Variants in BMERB1 observed in about 807,000 individuals in gnomAD.
BMERB1 encodes the protein bMERB domain containing 1, also known as bMERB domain-containing protein 1.
BMERB1 carries 12 observed loss-of-function variants against 23.6 expected under a neutral mutation model. That is an observed-to-expected ratio of 0.51 (90% confidence interval 0.33 to 0.82). BMERB1 has a LOEUF of 0.82. Ranked by LOEUF, BMERB1 falls within the 40% of genes least tolerant of loss-of-function variation. The pLI is 0.03. For synonymous variants in BMERB1, 122 were observed against 96.6 expected (o/e 1.26, Z -1.54); for missense variants, 247 against 255.4 (o/e 0.97, Z 0.22).
intron 2 of BMERB1, among the ~76,000 whole-genome samples, chr16:15,546,617 A>G (rs113293308): frequency 0.017 from 2,597 of 152,276 alleles, 78 homozygotes; most frequent in African/African-American, 0.06. Flanking sequence ...TACCTTCTAA[A>G]CTATATGTCC....
chr16:15,573,376 A>C (rs994305140), intron 3 of BMERB1, among the ~76,000 whole-genome samples: 1 of 152,176 alleles, frequency 6.6e-6, no homozygotes, highest in Non-Finnish European at 1.5e-5. Context: ...TTATTCCTCA[A>C]ATCAGTGCCC....
chr16:15,562,045 C>T (rs1187641781), intron 2 of BMERB1, among the ~76,000 whole-genome samples: 1 of 151,926 alleles, frequency 6.6e-6, no homozygotes, highest in Admixed American at 6.6e-5. Context: ...CGGTGGCTCA[C>T]GCCTATCATC....
rs567548989 is a variant in BMERB1, at chr16:15,434,592, C to T, written c.-62C>T. The stretch of plus-strand genomic sequence containing the variant: ...CTGCTGGCTGGAGCCACCTCCCTCC[C>T]TGCAGCCCGCAACGGGAATGGAGTA... On this transcript the variant is annotated 5_prime_UTR_variant, in exon 1 of 6. Coordinates refer to ENST00000300006, the MANE Select transcript of BMERB1 (RefSeq NM_033201.3). 11 of 1,513,430 alleles carry T rather than the reference C, an allele frequency of 7.3e-6. No individual in the cohort carries two copies. In the East Asian group the frequency reaches 2.0e-4, roughly 28 times the overall value. The allele number at this position is 1,513,430 out of a possible 1,614,324, so 93.8% of individuals were successfully genotyped here. A position where few individuals can be genotyped will look rare whatever the true frequency, so the allele number is the denominator to read the frequency against.
chr16:15,445,424 G>A (rs2050980801), intron 1 of BMERB1, among the ~76,000 whole-genome samples: 1 of 152,130 alleles, frequency 6.6e-6, no homozygotes, highest in African/African-American at 2.4e-5. Context: ...AGTAAGTAGG[G>A]GGCTGGCAGC....
intron 3 of BMERB1, among the ~76,000 whole-genome samples, chr16:15,570,302 C>T (rs952630933): frequency 6.6e-6 from 1 of 152,176 alleles, no homozygotes; most frequent in Non-Finnish European, 1.5e-5. Context: ...AGACTGGGCC[C>T]AGCACACAGT....
intron 2 of BMERB1, among the ~76,000 whole-genome samples, chr16:15,542,624 C>A (rs939911826): frequency 7.3e-5 from 11 of 149,780 alleles, no homozygotes; most frequent in African/African-American, 2.5e-4. Context: ...TGAATTACCT[C>A]CTAGGGATTT....
At chr16:15,485,761 C>G (rs1012955732) in intron 1 of BMERB1, among the ~76,000 whole-genome samples, 1 of 151,860 alleles carries the variant, frequency 6.6e-6, no homozygotes, top group Admixed American at 6.6e-5. Context: ...TAAAGTAGAG[C>G]CCAAAACCAA....
intron 2 of BMERB1, among the ~76,000 whole-genome samples, chr16:15,534,192 A>T (rs188573824): frequency 6.7e-6 from 1 of 149,442 alleles, no homozygotes; most frequent in African/African-American, 2.5e-5. Context: ...ACCAGTGACA[A>T]TCGTCTCCTG....
intron 2 of BMERB1, among the ~76,000 whole-genome samples, chr16:15,564,883 C>G (rs1425083159): frequency 6.6e-6 from 1 of 152,118 alleles, no homozygotes; most frequent in Non-Finnish European, 1.5e-5. Context: ...TTTCTTTACC[C>G]CAGCTCATTC....
At chr16:15,562,317 A>C (rs942362542) in intron 2 of BMERB1, among the ~76,000 whole-genome samples, 2 of 151,622 alleles carry the variant, frequency 1.3e-5, no homozygotes, top group Non-Finnish European at 2.9e-5. Context: ...AAAAAAAAAA[A>C]AAACATAAAT....
intron 1 of BMERB1, among the ~76,000 whole-genome samples, chr16:15,455,545 C>G (rs959060023): frequency 1.3e-5 from 2 of 151,936 alleles, no homozygotes; most frequent in Non-Finnish European, 2.9e-5. Context: ...ACTGCAAGCT[C>G]CGCCTCACGG....
intron 1 of BMERB1, among the ~76,000 whole-genome samples, chr16:15,444,119 C>CTTTGTTTTTTTTTTTTTTGTTTTTT (rs1468114343): frequency 4.1e-5 from 1 of 24,458 alleles, no homozygotes; most frequent in African/African-American, 1.9e-4. Context: ...CAGGCACCAG[C>CTTTGTTTTTTTTTTTTTTGTTTTTT]TTTGTTTTTT....
intron 2 of BMERB1, among the ~76,000 whole-genome samples, chr16:15,520,477 CTTT>C (rs147757819): frequency 0.032 from 3,450 of 109,328 alleles, 73 homozygotes; most frequent in Admixed American, 0.11. Context: ...CATAGATGTT[CTTT>C]TTTTTTTTTT....
chr16:15,547,894 C>T (rs114140987), intron 2 of BMERB1, among the ~76,000 whole-genome samples: 1 of 152,188 alleles, frequency 6.6e-6, no homozygotes, highest in Non-Finnish European at 1.5e-5. Flanking sequence ...GAGACAACCA[C>T]GTAGTGCCCA....
intron 5 of BMERB1, 97 bp downstream of exon 5, chr16:15,583,335 T>C: frequency 9.9e-7 from 1 of 1,005,972 alleles, no homozygotes; most frequent in Non-Finnish European, 1.6e-6. Context: ...CCCAGCACTA[T>C]GAGAGGCCAA....
rs77520584 is a variant in BMERB1 at position 15,452,711 on chromosome 16, C to G, written c.106+17952C>G. 7.9e-5 allele frequency among the ~76,000 whole-genome samples: 12 copies of G among 152,312 alleles called. No individual in the cohort carries two copies. The East Asian group carries it at 2.3e-3, about 29-fold the overall frequency. Reference sequence around the variant, plus strand: ...GCTGCTCGCGGGCAAGGGAACCTCTCCAGTCTCAGGACAATGGTGGTTGGG... The same window carrying G: ...GCTGCTCGCGGGCAAGGGAACCTCTGCAGTCTCAGGACAATGGTGGTTGGG... On this transcript the variant is annotated intron_variant, in intron 1 of 5. Transcript: ENST00000300006.
intron 1 of BMERB1, among the ~76,000 whole-genome samples, chr16:15,506,824 A>G (rs1385806280): frequency 6.6e-6 from 1 of 152,152 alleles, no homozygotes; most frequent in African/African-American, 2.4e-5. Context: ...CAGCTGCAGC[A>G]CCCAATTAAA....
intron 1 of BMERB1, among the ~76,000 whole-genome samples, chr16:15,458,968 G>A (rs528560556): frequency 2.0e-5 from 3 of 152,164 alleles, no homozygotes; most frequent in South Asian, 2.1e-4. Flanking sequence ...TTATCCGGGC[G>A]TGGTGGCGGG....
intron 2 of BMERB1, among the ~76,000 whole-genome samples, chr16:15,564,936 CA>C (rs1371420695): frequency 6.6e-6 from 1 of 151,744 alleles, no homozygotes; most frequent in African/African-American, 2.4e-5. Context: ...ACTGGTTCAG[CA>C]AAAGCCAGGA....
Sources: allele counts gnomAD v4.1 joint callset (sites outside exome capture counted in the v4.1 genomes callset), GRCh38; gene constraint gnomAD v4.1.1; transcripts MANE v1.5; gene names NCBI Gene and HGNC (gene_info 2026-07-23, HGNC 2026-07-21).